The following PCDH15 variants were observed in gnomAD, a reference collection of about 807,000 sequenced individuals.
The protein encoded by PCDH15 is protocadherin-15.
A neutral mutation model predicts 178.5 loss-of-function variants in PCDH15; 129 were observed. The ratio of observed to expected loss-of-function variants is 0.72; its 90% confidence interval spans 0.63 to 0.84. The LOEUF (loss-of-function observed/expected upper bound fraction) is 0.84. Ranked by LOEUF, PCDH15 falls within the 40% of genes least tolerant of loss-of-function variation. PCDH15 has a pLI of 0.00. For missense variants in PCDH15, 2,230 were observed against 2,099.9 expected (o/e 1.06, Z -1.21); for synonymous variants, 800 against 732.0 (o/e 1.09, Z -1.50).
intron 1 of PCDH15, among the ~76,000 whole-genome samples, chr10:55,189,655 C>A (rs1451616078): frequency 6.6e-6 from 1 of 151,796 alleles, no homozygotes; most frequent in African/African-American, 2.4e-5. Flanking sequence ...ACAACTTACT[C>A]CTATTAGCTC....
At chr10:55,554,792 C>G (rs1333578151) in intron 2 of PCDH15, among the ~76,000 whole-genome samples, 1 of 151,966 alleles carries the variant, frequency 6.6e-6, no homozygotes, top group Non-Finnish European at 1.5e-5. Flanking sequence ...TACCTAATGT[C>G]CTTTTATGTT....
At chr10:55,090,045 A>G (rs960225509) in intron 2 of PCDH15, among the ~76,000 whole-genome samples, 1 of 152,116 alleles carries the variant, frequency 6.6e-6, no homozygotes, top group African/African-American at 2.4e-5. Flanking sequence ...GAGTAGTTAA[A>G]AGATTAAAAA....
chr10:55,558,247 C>T (rs1363988124), intron 2 of PCDH15, among the ~76,000 whole-genome samples: 1 of 152,142 alleles, frequency 6.6e-6, no homozygotes, highest in Non-Finnish European at 1.5e-5. Context: ...GGACACCTCA[C>T]TTGGCACTAT....
chr10:55,377,872 C>T (rs1837437360), intron 2 of PCDH15, among the ~76,000 whole-genome samples: 1 of 152,056 alleles, frequency 6.6e-6, no homozygotes, highest in African/African-American at 2.4e-5. Flanking sequence ...GAATACTATG[C>T]AGCCATAAAA....
chr10:54,732,640 T>C (rs1415171635), intron 1 of PCDH15, among the ~76,000 whole-genome samples: 1 of 151,412 alleles, frequency 6.6e-6, no homozygotes, highest in Admixed American at 6.6e-5. Flanking sequence ...TTCTGAACAA[T>C]CCCTTCCAAA....
chr10:54,330,764 T>C (rs930396644), intron 6 of PCDH15, among the ~76,000 whole-genome samples: 2 of 151,906 alleles, frequency 1.3e-5, no homozygotes, highest in Non-Finnish European at 2.9e-5. Context: ...GATAAATCTC[T>C]TATTCTTAAG....
intron 2 of PCDH15, among the ~76,000 whole-genome samples, chr10:54,948,183 T>C (rs1455278148): frequency 6.6e-6 from 1 of 151,946 alleles, no homozygotes; most frequent in East Asian, 1.9e-4. Flanking sequence ...CCAGTTTGAG[T>C]CTGACAACCA....
At chr10:54,849,353 A>T (rs1259876270) in intron 3 of PCDH15, among the ~76,000 whole-genome samples, 1 of 152,148 alleles carries the variant, frequency 6.6e-6, no homozygotes, top group African/African-American at 2.4e-5. Flanking sequence ...TAATTATCTT[A>T]TCTGCTTTCT....
intron 2 of PCDH15, among the ~76,000 whole-genome samples, chr10:54,603,451 T>C (rs961642105): frequency 1.3e-5 from 2 of 151,906 alleles, no homozygotes; most frequent in African/African-American, 4.8e-5. Flanking sequence ...TTTTCTGTCT[T>C]TGGCTAGTTA....
intron 3 of PCDH15, among the ~76,000 whole-genome samples, chr10:54,380,341 A>C (rs1054672229): frequency 2.6e-4 from 40 of 151,834 alleles, no homozygotes; most frequent in Non-Finnish European, 5.6e-4. Flanking sequence ...CACAACCTAC[A>C]TACAATACAC....
intron 15 of PCDH15, among the ~76,000 whole-genome samples, chr10:54,115,462 C>T (rs975861592): frequency 5.3e-5 from 8 of 152,238 alleles, no homozygotes; most frequent in Non-Finnish European, 1.0e-4. Flanking sequence ...ATGTTGCACA[C>T]TGAAAGGCTT....
At chr10:54,083,449 A>G (rs1297426759) in intron 16 of PCDH15, among the ~76,000 whole-genome samples, 2 of 152,226 alleles carry the variant, frequency 1.3e-5, no homozygotes. Context: ...GTAGCCATGA[A>G]AAGTAGGGAC....
intron 1 of PCDH15, among the ~76,000 whole-genome samples, chr10:55,208,325 C>A (rs1278144622): frequency 1.3e-5 from 2 of 152,078 alleles, no homozygotes; most frequent in Admixed American, 1.3e-4. Flanking sequence ...CCTTTAGCTG[C>A]CACTGTGTTA....
chr10:55,213,772 G>C (rs1024403761), intron 1 of PCDH15, among the ~76,000 whole-genome samples: 27 of 151,484 alleles, frequency 1.8e-4, no homozygotes, highest in African/African-American at 6.5e-4. Context: ...CTTCTTTATT[G>C]CATTTGTTAT....
chr10:55,621,071 A>G (rs572563757), intron 2 of PCDH15, among the ~76,000 whole-genome samples: 19 of 152,154 alleles, frequency 1.2e-4, no homozygotes, highest in African/African-American at 4.6e-4. Context: ...ATTAGATTCT[A>G]TTGATTCATC....
intron 1 of PCDH15, among the ~76,000 whole-genome samples, chr10:55,190,927 TGAA>T (rs1839929413): frequency 6.6e-6 from 1 of 151,640 alleles, no homozygotes; most frequent in South Asian, 2.1e-4. Flanking sequence ...TTAACAGAAA[TGAA>T]GGTCAGATGC....
intron 3 of PCDH15, among the ~76,000 whole-genome samples, chr10:54,874,349 C>T (rs1483205343): frequency 1.4e-5 from 2 of 148,066 alleles, no homozygotes; most frequent in African/African-American, 2.5e-5. Flanking sequence ...ATATGTGCCA[C>T]ATTTTCTTAA....
At chr10:54,528,253 T>C (rs1589909799) in intron 2 of PCDH15, 5 of 822,108 alleles carry the variant, frequency 6.1e-6, no homozygotes, top group Non-Finnish European at 7.9e-6. Context: ...ACAAACATAA[T>C]TGGACTTTAA....
chr10:54,482,020 G>A (rs996707583), intron 3 of PCDH15, among the ~76,000 whole-genome samples: 1 of 151,692 alleles, frequency 6.6e-6, no homozygotes, highest in South Asian at 2.1e-4. Flanking sequence ...TCTCATAAGG[G>A]ATCAGAAATA....
Sources: gnomAD v4.1 joint callset for allele counts (sites outside exome capture counted in the v4.1 genomes callset) on GRCh38, gnomAD v4.1.1 for gene constraint, MANE v1.5 for transcripts, NCBI Gene and HGNC (gene_info 2026-07-23, HGNC 2026-07-21) for gene names.